Variants in ACOX3 observed in about 807,000 individuals in gnomAD.
The protein encoded by ACOX3 is peroxisomal acyl-coenzyme A oxidase 3.
A neutral mutation model predicts 81.5 loss-of-function variants in ACOX3; 73 were observed. That is an observed-to-expected ratio of 0.90 (90% CI 0.74 to 1.09). The LOEUF is 1.09. Among genes scored for constraint, ACOX3 ranks in the 50% least tolerant of loss-of-function variants. The pLI is 0.00. For synonymous variants in ACOX3, 387 were observed against 375.1 expected, an observed-to-expected ratio of 1.03 and a Z score of -0.37; for missense variants, 947 against 928.0, an observed-to-expected ratio of 1.02 and a Z score of -0.27.
chr4:8,392,041 G>A (rs1416996914), intron 11 of ACOX3, among the ~76,000 whole-genome samples: 1 of 152,204 alleles, frequency 6.6e-6, no homozygotes, highest in Non-Finnish European at 1.5e-5. Context: ...TCTAGGGCAG[G>A]GGTTGGCAAA....
Position 8,397,059 on chromosome 4 carries a change from C to T in ACOX3, c.934G>A (p.Val312Met), listed in dbSNP as rs754294210. Residue 312 changes from valine to methionine, a missense_variant, in exon 9 of 18, where the codon GTG (valine) becomes ATG (methionine). By Grantham distance (21) the Val-to-Met change is conservative. Coordinates refer to ENST00000356406, the MANE Select transcript of ACOX3 (RefSeq NM_003501.3). ...GSLSSGRVSIVSLAILNLKLA... is the reference protein window; with the variant it reads ...GSLSSGRVSIMSLAILNLKLA... ...TTTAGGTTAAGGATGGCCAGGCTCA[C>T]GATGGAGACCCGGCCCGAGGACAGG... The T allele has an allele frequency of 2.2e-5, 35 of 1,604,012 alleles. No homozygotes were observed. The highest frequency in any genetic ancestry group is 9.0e-5 in the South Asian group (8 of 89,376).
intron 11 of ACOX3, among the ~76,000 whole-genome samples, chr4:8,391,374 CTAGA>C (rs1718981693): frequency 6.6e-6 from 1 of 152,172 alleles, no homozygotes; most frequent in African/African-American, 2.4e-5. Context: ...GTGTGTAGTT[CTAGA>C]TAGAGCATCA....
In ACOX3 at chr4:8,370,965, G is replaced by A. The variant is rs772674574; in HGVS notation, c.1926C>T (p.Asp642=). Residue 642 remains aspartate, a synonymous_variant, in exon 17 of 18, where the codon GAC becomes GAT. Coordinates refer to ENST00000356406, the MANE Select transcript of ACOX3 (RefSeq NM_003501.3). The surrounding 1 kb of genome is among the most constrained non-coding windows in gnomAD (Gnocchi z 6.3). The stretch of plus-strand genomic sequence containing the variant: ...GAACAAAGTCAGGAGGAGCGATCAC[G>A]TCTACCAGGGCAACTGCATCGTCTT... ...QLKDDAVALV[D]VIAPPDFVLD... 8 of 1,613,990 alleles carry A rather than the reference G, an allele frequency of 5.0e-6. No homozygotes were observed. The highest frequency in any genetic ancestry group is 3.3e-5 in the Admixed American group (2 of 60,010).
chr4:8,426,179 C>A (rs1172089531), intron 1 of ACOX3, among the ~76,000 whole-genome samples: 2 of 152,110 alleles, frequency 1.3e-5, no homozygotes, highest in African/African-American at 4.8e-5. Flanking sequence ...TCAACAAGTT[C>A]TTAAAACATT....
intron 1 of ACOX3, among the ~76,000 whole-genome samples, chr4:8,433,907 A>T (rs962497315): frequency 6.6e-6 from 1 of 152,208 alleles, no homozygotes; most frequent in Non-Finnish European, 1.5e-5. Flanking sequence ...GAAGGAGACC[A>T]CTACTACTGC....
Position 8,416,458 on chromosome 4 carries a change from C to T in ACOX3, c.64G>A (p.Asp22Asn), listed in dbSNP as rs759828894. The change falls in exon 2 of 18, where the codon GAT becomes AAT. Residue 22 changes from aspartate to asparagine, a missense_variant. Coordinates refer to ENST00000356406, the MANE Select transcript of ACOX3 (RefSeq NM_003501.3). The surrounding 1 kb of genome is among the most constrained non-coding windows in gnomAD (Gnocchi z 4.2). ...AAGGACGCTCTTGCTCGGTAGGCAT[C>T]GAGGGGCCCCCTGGGGAATTCTGGG... is the stretch of plus-strand genomic sequence containing the variant. ...LLPEFPRGPL[D>N]AYRARASFSW... 45 of 1,613,978 alleles carry T rather than the reference C, an allele frequency of 2.8e-5. 1 individual carries two copies. Among genetic ancestry groups the T allele is most frequent in the South Asian group, 2.1e-4 (19 of 91,086 alleles).
In ACOX3 at chr4:8,368,239, G is replaced by A. The variant is rs1715716754; in HGVS notation, c.1984-1159C>T. Among the ~76,000 whole-genome samples, 3 of 152,254 alleles carry A rather than the reference G, an allele frequency of 2.0e-5. No homozygotes were observed. In the South Asian group the frequency reaches 6.2e-4, roughly 31 times the overall value. ...GCTCCTCTGGTCCTGCCCCGGGCCA[G>A]CACTCCCCTACGGGAGGTGCAGACT... On this transcript the variant is annotated intron_variant, in intron 17 of 17. Coordinates refer to ENST00000356406, the MANE Select transcript of ACOX3 (RefSeq NM_003501.3). The surrounding 1 kb of genome is among the most constrained non-coding windows in gnomAD (Gnocchi z 5.9).
At chr4:8,428,081 T>G (rs1389766294) in intron 1 of ACOX3, among the ~76,000 whole-genome samples, 6 of 152,246 alleles carry the variant, frequency 3.9e-5, no homozygotes. Context: ...CAGTCTTCTC[T>G]GCGATGTGAA....
rs1418186388 is a variant in ACOX3 at position 8,431,319 on chromosome 4, T to C, written c.-15+9329A>G. Among the ~76,000 whole-genome samples the C allele has an allele frequency of 6.6e-6, 1 of 152,250 alleles. No individual in the cohort carries two copies. Among genetic ancestry groups the C allele is most frequent in the Non-Finnish European group, 1.5e-5 (1 of 68,034 alleles). ...CCAGATTGGCATCTGCAGGTCAGACTGTAGTTCTCAGCTTTGACCGTGGCT... is the reference window on the plus strand; with the variant it reads ...CCAGATTGGCATCTGCAGGTCAGACCGTAGTTCTCAGCTTTGACCGTGGCT... On this transcript the variant is annotated intron_variant, in intron 1 of 17. Coordinates refer to ENST00000356406, the MANE Select transcript of ACOX3 (RefSeq NM_003501.3). This position sits in a 1 kb window ranked among gnomAD's most constrained non-coding sequence, Gnocchi z 5.3.
downstream of ACOX3, among the ~76,000 whole-genome samples, chr4:8,365,952 G>A (rs2108771770): frequency 6.6e-6 from 1 of 152,328 alleles, no homozygotes; most frequent in South Asian, 2.1e-4. Flanking sequence ...TCTGTTTGAT[G>A]GGCTGTGGTG....
At position 8,389,524 on chromosome 4, in the gene ACOX3, C is replaced by A. The variant is rs57692256; in HGVS notation, c.1423+88G>T. On this transcript the variant is annotated intron_variant, in intron 12 of 17. Transcript: ENST00000356406. This position sits in a 1 kb window ranked among gnomAD's most constrained non-coding sequence, Gnocchi z 5.3. Reference sequence around the variant, plus strand: ...CTTCTGCAAACCTAGGATGCATTCACAGAACAGCTGAATCAGTGAGGCCAG... The same window carrying A: ...CTTCTGCAAACCTAGGATGCATTCAAAGAACAGCTGAATCAGTGAGGCCAG... 6.3e-7 allele frequency: 1 copy of A among 1,586,596 alleles called. No individual in the cohort carries two copies.
intron 10 of ACOX3, among the ~76,000 whole-genome samples, chr4:8,393,812 A>T (rs1719350028): frequency 6.6e-6 from 1 of 152,170 alleles, no homozygotes. Flanking sequence ...AGAACAATGC[A>T]AGTGTCAGCT....
rs527438585 is a variant in ACOX3 at position 8,422,874 on chromosome 4, A to C, written c.-14-6339T>G. 2.0e-5 allele frequency among the ~76,000 whole-genome samples: 3 copies of C among 152,304 alleles called. No individual in the cohort carries two copies. In the South Asian group the frequency reaches 6.2e-4, roughly 32 times the overall value. ...GGACACTTTAAAAAAGATTGTCTGA[A>C]TAGAAATAAGCTGCCCCTCATCCAT... On this transcript the variant is annotated intron_variant, in intron 1 of 17. Coordinates refer to ENST00000356406, the MANE Select transcript of ACOX3 (RefSeq NM_003501.3).
intron 14 of ACOX3, among the ~76,000 whole-genome samples, chr4:8,377,083 A>G (rs3796752): frequency 6.6e-6 from 1 of 152,124 alleles, no homozygotes; most frequent in African/African-American, 2.4e-5. Flanking sequence ...TGTGTCCACG[A>G]GAACACGATA....
Position 8,381,379 on chromosome 4 carries a change from G to T in ACOX3, c.1653+113C>A. 1.1e-6 allele frequency: 1 copy of T among 890,680 alleles called. No individual in the cohort carries two copies. The allele number at this position is 890,680 out of a possible 1,614,324, so 55.2% of individuals were successfully genotyped here. On this transcript the variant is annotated intron_variant, in intron 14 of 17. Coordinates refer to ENST00000356406, the MANE Select transcript of ACOX3 (RefSeq NM_003501.3). This position sits in a 1 kb window ranked among gnomAD's most constrained non-coding sequence, Gnocchi z 4.3. Reference sequence around the variant, plus strand: ...ATCAAGTCATCTGCCCAAGGTCACGGGAGCTCGGGGTCTGGGGCCTGAATT... The same window carrying T: ...ATCAAGTCATCTGCCCAAGGTCACGTGAGCTCGGGGTCTGGGGCCTGAATT...
rs942549229 is a variant in ACOX3 at position 8,405,205 on chromosome 4, C to G, written c.776+750G>C. 6.6e-6 allele frequency among the ~76,000 whole-genome samples: 1 copy of G among 152,226 alleles called. No homozygotes were observed. The highest frequency in any genetic ancestry group is 2.1e-4 in the South Asian group (1 of 4,828). The stretch of plus-strand genomic sequence containing the variant: ...CCCTCAAAGACCCTCAAGGCCCTTG[C>G]GGCCTGGCCTCCCTACCCCGCCTGC... On this transcript the variant is annotated intron_variant, in intron 7 of 17. Coordinates refer to ENST00000356406, the MANE Select transcript of ACOX3 (RefSeq NM_003501.3). This position sits in a 1 kb window ranked among gnomAD's most constrained non-coding sequence, Gnocchi z 7.1.
chr4:8,384,509 TC>T lies in ACOX3; in HGVS notation c.1538-2903del, dbSNP rs1296912546. ...CACCCAGCGTCAACAACCTCTGTCC[TC>T]AAGACTCTCCCAGAATCCTGGGTCA... On this transcript the variant is annotated intron_variant, in intron 13 of 17. Transcript: ENST00000356406. The surrounding 1 kb of genome is among the most constrained non-coding windows in gnomAD (Gnocchi z 5.3). 1.3e-5 allele frequency among the ~76,000 whole-genome samples: 2 copies of T among 152,150 alleles called. No homozygotes were observed. Among genetic ancestry groups the T allele is most frequent in the African/African-American group, 2.4e-5 (1 of 41,434 alleles).
chr4:8,381,633 A>G lies in ACOX3; in HGVS notation c.1538-26T>C. Reference sequence around the variant, plus strand: ...CTTCGGAATGACAAACAGAAGGAGAAAAAGTAACAATAGAGAACACAGCAT... The same window carrying G: ...CTTCGGAATGACAAACAGAAGGAGAGAAAGTAACAATAGAGAACACAGCAT... On this transcript the variant is annotated intron_variant, in intron 13 of 17. Transcript: ENST00000356406. This position sits in a 1 kb window ranked among gnomAD's most constrained non-coding sequence, Gnocchi z 4.3. The G allele has an allele frequency of 1.3e-6, 2 of 1,546,436 alleles. No individual in the cohort carries two copies.
At chr4:8,364,960 T>C (rs138736675), downstream of ACOX3, among the ~76,000 whole-genome samples, 1,237 of 151,968 alleles carry the variant, frequency 8.1e-3, 20 homozygotes, top group African/African-American at 0.028. This position sits in a 1 kb window ranked among gnomAD's most constrained non-coding sequence, Gnocchi z 5.0. Flanking sequence ...AGAATCTAGC[T>C]GCGGGCACAT....
Sources: allele counts gnomAD v4.1 joint callset (sites outside exome capture counted in the v4.1 genomes callset), GRCh38; gene constraint gnomAD v4.1.1; non-coding constraint Gnocchi (gnomAD v3.1); transcripts MANE v1.5; gene names NCBI Gene and HGNC (gene_info 2026-07-23, HGNC 2026-07-21).